DDHD1: variants seen among roughly 807,000 people sequenced by gnomAD.
The protein encoded by DDHD1 is phospholipase DDHD1.
Under a neutral mutation model 96.4 loss-of-function variants are expected in DDHD1, and 49 were observed. The ratio of observed to expected loss-of-function variants is 0.51; its 90% CI spans 0.40 to 0.64. The LOEUF (loss-of-function observed/expected upper bound fraction) is 0.64. Among genes scored for constraint, DDHD1 ranks in the 30% least tolerant of loss-of-function variants. The pLI is 0.00. For missense variants in DDHD1, 1,106 were observed against 1,161.2 expected (o/e 0.95, Z 0.69); for synonymous variants, 442 against 446.5 (o/e 0.99, Z 0.13).
At chr14:53,077,498 A>G (rs144772175) in intron 4 of DDHD1, among the ~76,000 whole-genome samples, 2 of 152,268 alleles carry the variant, frequency 1.3e-5, no homozygotes, top group Non-Finnish European at 2.9e-5. Flanking sequence ...CAAAATAACA[A>G]GTCATTAGGT....
At chr14:53,091,755 G>C (rs375972195) in intron 4 of DDHD1, 30 bp downstream of exon 4, 1 of 1,605,056 alleles carries the variant, frequency 6.2e-7, no homozygotes. Context: ...TTCTAGATTA[G>C]ATATACAATG....
chr14:53,152,113 G>GAAA, intron 1 of DDHD1, 148 bp downstream of exon 1: 1 of 833,728 alleles, frequency 1.2e-6, no homozygotes, highest in Admixed American at 3.2e-5. Flanking sequence ...AGCTGCCGAC[G>GAAA]CTCCCTGCTC....
chr14:53,109,527 T>C (rs1887952071), intron 1 of DDHD1, among the ~76,000 whole-genome samples: 1 of 152,192 alleles, frequency 6.6e-6, no homozygotes, highest in Admixed American at 6.5e-5. Flanking sequence ...ATTCATGGTA[T>C]CATCTGTCTT....
chr14:53,104,204 A>C (rs553599404), intron 1 of DDHD1, among the ~76,000 whole-genome samples: 1 of 152,248 alleles, frequency 6.6e-6, no homozygotes, highest in South Asian at 2.1e-4. Context: ...TGGCCTCCCA[A>C]AGTGCTAGGA....
chr14:53,147,705 G>A (rs1400513168), intron 1 of DDHD1, among the ~76,000 whole-genome samples: 1 of 152,202 alleles, frequency 6.6e-6, no homozygotes, highest in Non-Finnish European at 1.5e-5. Flanking sequence ...AAACCGAGCA[G>A]TCAGGGTTCC....
chr14:53,102,261 G>C (rs1887357262), intron 2 of DDHD1, among the ~76,000 whole-genome samples: 2 of 152,030 alleles, frequency 1.3e-5, no homozygotes, highest in Admixed American at 1.3e-4. Flanking sequence ...ACTACCATAA[G>C]ATCACAGATA....
rs8003344 is a variant in DDHD1, at chr14:53,036,957, C to T, written c.*9811G>A. On this transcript the variant is annotated 3_prime_UTR_variant, in exon 13 of 13. Transcript: ENST00000673822. ...TCCTCACCCACAGTGTTCCAGTCTG[C>T]AGTGTCTGTTGTTCCCACCTTTGCA... is the stretch of plus-strand genomic sequence containing the variant. The T allele has an allele frequency of 7.6e-3, 1,162 of 152,218 alleles. 16 individuals are homozygous for T. The highest frequency in any genetic ancestry group is 0.027 in the African/African-American group (1,107 of 41,526). The allele number at this position is 152,218 out of a possible 1,614,324, so 9.4% of individuals were successfully genotyped here. A position where few individuals can be genotyped will look rare whatever the true frequency, so the allele number is the denominator to read the frequency against.
At chr14:53,127,893 A>G (rs1889570590) in intron 1 of DDHD1, among the ~76,000 whole-genome samples, 1 of 152,214 alleles carries the variant, frequency 6.6e-6, no homozygotes, top group African/African-American at 2.4e-5. Flanking sequence ...GTGGAATGAC[A>G]TGGTTTGGCC....
chr14:53,150,405 C>A (rs1393726045), intron 1 of DDHD1, among the ~76,000 whole-genome samples: 2 of 152,202 alleles, frequency 1.3e-5, no homozygotes, highest in African/African-American at 2.4e-5. Flanking sequence ...TGGCCTTGGA[C>A]AAGTTCATTA....
chr14:53,103,174 AC>A (rs1887438733), intron 2 of DDHD1: 2 of 885,360 alleles, frequency 2.3e-6, no homozygotes, highest in Non-Finnish European at 1.7e-6. Context: ...TTGAACTGTT[AC>A]AAAAATATGC....
At chr14:53,105,382 T>C (rs1055271466) in intron 1 of DDHD1, among the ~76,000 whole-genome samples, 2 of 152,152 alleles carry the variant, frequency 1.3e-5, no homozygotes, top group African/African-American at 4.8e-5. Flanking sequence ...TACTGTGATG[T>C]ATTTAAAATT....
At chr14:53,102,349 C>T (rs1239182018) in intron 2 of DDHD1, among the ~76,000 whole-genome samples, 1 of 152,014 alleles carries the variant, frequency 6.6e-6, no homozygotes, top group Non-Finnish European at 1.5e-5. Flanking sequence ...AGAGCTCTTA[C>T]ACTGGGCTGC....
intron 1 of DDHD1, among the ~76,000 whole-genome samples, chr14:53,147,064 C>T (rs766580565): frequency 6.6e-6 from 1 of 151,904 alleles, no homozygotes; most frequent in African/African-American, 2.4e-5. Flanking sequence ...ATCTCTTTTG[C>T]CAATATTTTT....
rs113020961 is a variant in DDHD1 at position 53,051,634 on chromosome 14, C to A, written c.2521+210G>T. ...AAGTATACACAAATATACTTTAGCA[C>A]ATTAAGTGGCTAGTCAATTTTCAGG... On this transcript the variant is annotated intron_variant, in intron 12 of 12. Transcript: ENST00000673822. 6.3e-3 allele frequency among the ~76,000 whole-genome samples: 959 copies of A among 151,976 alleles called. 15 individuals carry two copies. The highest frequency in any genetic ancestry group is 0.022 in the African/African-American group (906 of 41,500).
chr14:53,071,035 AG>A lies in DDHD1; in HGVS notation c.1503+1561del, dbSNP rs147250426. ...AGAAACTAAAATGATTTGATATTAT[AG>A]TACCTGTAATAACAGTAACTCTTGA... On this transcript the variant is annotated intron_variant, in intron 6 of 12. Transcript: ENST00000673822. 1.3e-3 allele frequency among the ~76,000 whole-genome samples: 191 copies of A among 152,296 alleles called. 1 individual carries two copies. The highest frequency in any genetic ancestry group is 4.4e-3 in the African/African-American group (183 of 41,578).
intron 6 of DDHD1, among the ~76,000 whole-genome samples, chr14:53,069,346 CCT>C (rs1444401417): frequency 3.3e-5 from 5 of 152,122 alleles, no homozygotes; most frequent in Admixed American, 6.5e-5. Flanking sequence ...ACAGGCATAC[CCT>C]GTTTTATGGC....
chr14:53,129,374 A>G (rs970223904), intron 1 of DDHD1, among the ~76,000 whole-genome samples: 6 of 152,050 alleles, frequency 3.9e-5, no homozygotes, highest in East Asian at 1.9e-4. Context: ...CCACCCTTCA[A>G]TCTCTCCCTT....
At chr14:53,116,902 T>A (rs1384028514) in intron 1 of DDHD1, among the ~76,000 whole-genome samples, 1 of 152,058 alleles carries the variant, frequency 6.6e-6, no homozygotes, top group Non-Finnish European at 1.5e-5. Flanking sequence ...AAAAAACCTT[T>A]CAAAAAATCA....
At chr14:53,054,409 C>G in intron 11 of DDHD1, 29 bp downstream of exon 11, 1 of 1,599,012 alleles carries the variant, frequency 6.3e-7, no homozygotes, top group Non-Finnish European at 8.6e-7. Context: ...GATACAGTAT[C>G]AACTTAAGGA....
Sources: gnomAD v4.1 joint callset for allele counts (sites outside exome capture counted in the v4.1 genomes callset) on GRCh38, gnomAD v4.1.1 for gene constraint, MANE v1.5 for transcripts, NCBI Gene and HGNC (gene_info 2026-07-23, HGNC 2026-07-21) for gene names.